Variants in DST observed in about 807,000 individuals in gnomAD.
DST encodes the protein bullous pemphigoid antigen.
DST carries 253 observed loss-of-function variants against 875.2 expected under a neutral mutation model. That is an observed-to-expected ratio of 0.29 (90% CI 0.26 to 0.32). DST has a LOEUF of 0.32. DST is among the 10% of genes least tolerant of loss of function. The pLI, the probability that DST is intolerant of heterozygous loss-of-function variation, is 1.00. For missense variants in DST, 8,287 were observed against 9,111.6 expected (o/e 0.91, Z 3.68); for synonymous variants, 3,124 against 3,197.1 (o/e 0.98, Z 0.77).
At chr6:56,900,907 A>C (rs1418810838) in intron 2 of DST, among the ~76,000 whole-genome samples, 3 of 151,236 alleles carry the variant, frequency 2.0e-5, no homozygotes, top group African/African-American at 7.3e-5. Context: ...GAAAAAAAGC[A>C]GGTGGGCACA....
In DST at chr6:56,603,550, T is replaced by A; in HGVS notation, c.10941+14A>T. On this transcript the variant is annotated intron_variant, in intron 41 of 103. Coordinates refer to ENST00000680361, the MANE Select transcript of DST (RefSeq NM_001374736.1). ...CTGACTACCATCCATAAAGAGGCAG[T>A]AGACAATTCTTACCTCCAACTGTCT... 1 of 1,601,334 alleles carries A rather than the reference T, an allele frequency of 6.2e-7. No individual in the cohort carries two copies. The highest frequency in any genetic ancestry group is 8.5e-7 in the Non-Finnish European group (1 of 1,175,254).
At position 56,487,096 on chromosome 6, in the gene DST, C is replaced by G. The variant is rs2095596112; in HGVS notation, c.21047+8G>C. ...AGAGTAACCAAACTGTCTTAAAGAA[C>G]ATTTTACCTTTCCACAGATTTTCCA... On this transcript the variant is annotated splice_region_variant and intron_variant, in intron 87 of 103. Transcript: ENST00000680361. 6.2e-7 allele frequency: 1 copy of G among 1,613,400 alleles called. No individual in the cohort carries two copies. The highest frequency in any genetic ancestry group is 1.3e-5 in the African/African-American group (1 of 74,886).
chr6:56,491,489 A>T (rs746489072), intron 85 of DST, among the ~76,000 whole-genome samples: 26 of 152,192 alleles, frequency 1.7e-4, no homozygotes, highest in Non-Finnish European at 1.5e-4. Flanking sequence ...ACAAAGACAC[A>T]CAGAGATGCA....
intron 4 of DST, among the ~76,000 whole-genome samples, chr6:56,769,431 G>A (rs2099643545): frequency 6.6e-6 from 1 of 152,120 alleles, no homozygotes; most frequent in African/African-American, 2.4e-5. Context: ...ACACTTCAAG[G>A]CATTAACCCA....
At chr6:56,878,221 A>C (rs1780391961) in intron 3 of DST, among the ~76,000 whole-genome samples, 1 of 152,200 alleles carries the variant, frequency 6.6e-6, no homozygotes, top group South Asian at 2.1e-4. Flanking sequence ...TTATGTCTTG[A>C]GCATTTCCTC....
intron 9 of DST, among the ~76,000 whole-genome samples, chr6:56,675,592 G>T (rs879778348): frequency 1.3e-5 from 2 of 152,198 alleles, no homozygotes; most frequent in African/African-American, 2.4e-5. Context: ...GGTGGCTCAC[G>T]CCTGTAATCC....
intron 3 of DST, among the ~76,000 whole-genome samples, chr6:56,854,089 T>C (rs1029872410): frequency 2.0e-5 from 3 of 152,168 alleles, no homozygotes; most frequent in African/African-American, 7.2e-5. Context: ...AGTAGGCCCA[T>C]TTGAACCCTG....
intron 9 of DST, among the ~76,000 whole-genome samples, chr6:56,696,391 A>T (rs1293376536): frequency 6.6e-6 from 1 of 152,018 alleles, no homozygotes; most frequent in Non-Finnish European, 1.5e-5. Flanking sequence ...TGAACTCCCA[A>T]CCTCAGGTGA....
At chr6:56,792,171 T>G (rs888490127) in intron 4 of DST, among the ~76,000 whole-genome samples, 2 of 147,854 alleles carry the variant, frequency 1.4e-5, no homozygotes, top group African/African-American at 2.5e-5. Flanking sequence ...GGTTTTTTTG[T>G]TTTTTTTTTC....
rs1038850783 is a variant in DST at position 56,644,003 on chromosome 6, C to T, written c.1779-1500G>A. 7.9e-5 allele frequency among the ~76,000 whole-genome samples: 12 copies of T among 152,296 alleles called. No individual in the cohort carries two copies. The South Asian group carries it at 1.2e-3, about 16-fold the overall frequency. ...ACAAATGAAGAAACTGAGGCTTAGA[C>T]GGTTAAAGAACTTGTCTAACATCAT... On this transcript the variant is annotated intron_variant, in intron 15 of 103. Transcript: ENST00000680361.
At chr6:56,533,668 T>C (rs2096938563) in intron 63 of DST, among the ~76,000 whole-genome samples, 1 of 152,208 alleles carries the variant, frequency 6.6e-6, no homozygotes, top group Admixed American at 6.5e-5. Flanking sequence ...ATAGGTTTTG[T>C]TGGCTAAGCA....
At chr6:56,482,327 G>C in intron 89 of DST, 149 bp from the exon 90 acceptor site, 1 of 898,740 alleles carries the variant, frequency 1.1e-6, no homozygotes, top group South Asian at 3.3e-5. Flanking sequence ...TAAGAAGATA[G>C]AGATACACAT....
At chr6:56,600,359 A>G in intron 44 of DST, 138 bp from the exon 45 acceptor site, 1 of 765,466 alleles carries the variant, frequency 1.3e-6, no homozygotes, top group Admixed American at 2.4e-5. Context: ...TGATAGCAGT[A>G]GGGTACAAAC....
At chr6:56,667,828 T>TACACACAC (rs36046330) in intron 10 of DST, among the ~76,000 whole-genome samples, 166 of 149,872 alleles carry the variant, frequency 1.1e-3, no homozygotes, top group African/African-American at 4.0e-3. Flanking sequence ...TATATATATA[T>TACACACAC]ACACACACAC....
intron 53 of DST, among the ~76,000 whole-genome samples, chr6:56,570,512 A>T (rs1313284523): frequency 6.6e-6 from 1 of 152,034 alleles, no homozygotes; most frequent in Non-Finnish European, 1.5e-5. Context: ...TCCTATGAGA[A>T]TCTAATGCCT....
chr6:56,677,805 A>G (rs1455088552), intron 9 of DST, among the ~76,000 whole-genome samples: 2 of 152,164 alleles, frequency 1.3e-5, no homozygotes, highest in Non-Finnish European at 2.9e-5. Flanking sequence ...TCTCCTGCCC[A>G]TATTTGATCT....
chr6:56,542,385 C>T (rs1407141547), intron 61 of DST: 6 of 128,624 alleles, frequency 4.7e-5, no homozygotes, highest in African/African-American at 1.3e-4. Flanking sequence ...ATCCAGCAAC[C>T]GTTTAAAGTA....
At chr6:56,529,081 C>T (rs1562578178) in intron 66 of DST, among the ~76,000 whole-genome samples, 156 bp from the exon 67 acceptor site, 1 of 152,098 alleles carries the variant, frequency 6.6e-6, no homozygotes, top group African/African-American at 2.4e-5. Context: ...ATGTTTAGAC[C>T]TCTTCTTTTC....
chr6:56,749,416 C>G (rs976785693), intron 4 of DST, among the ~76,000 whole-genome samples: 1 of 152,122 alleles, frequency 6.6e-6, no homozygotes, highest in Non-Finnish European at 1.5e-5. Context: ...GGTTACTACA[C>G]AGTGGAATGC....
Sources: gnomAD v4.1 joint callset for allele counts (sites outside exome capture counted in the v4.1 genomes callset) on GRCh38, gnomAD v4.1.1 for gene constraint, MANE v1.5 for transcripts, NCBI Gene and HGNC (gene_info 2026-07-23, HGNC 2026-07-21) for gene names.